The following RELN variants were observed in gnomAD, a reference collection of about 807,000 sequenced individuals.
RELN encodes reelin.
A neutral mutation model predicts 427.6 loss-of-function variants in RELN; 108 were observed. The observed-to-expected ratio is 0.25, with a 90% CI of 0.22 to 0.30. RELN has a LOEUF of 0.30. Among genes scored for constraint, RELN ranks in the 10% least tolerant of loss-of-function variants. RELN has a pLI of 1.00. For missense variants in RELN, 3,715 were observed against 4,302.8 expected (o/e 0.86, Z 3.82); for synonymous variants, 1,524 against 1,513.4 (o/e 1.01, Z -0.16).
chr7:103,517,426 G>C (rs937952010), intron 49 of RELN, among the ~76,000 whole-genome samples: 1 of 152,160 alleles, frequency 6.6e-6, no homozygotes, highest in Non-Finnish European at 1.5e-5. Flanking sequence ...AAGGCTACTT[G>C]AAAGTCTAAA....
At chr7:103,801,696 T>A (rs1792471554) in intron 3 of RELN, among the ~76,000 whole-genome samples, 1 of 151,618 alleles carries the variant, frequency 6.6e-6, no homozygotes, top group African/African-American at 2.4e-5. Context: ...AGCCTGCACG[T>A]TGTGCACATG....
At chr7:103,568,143 C>T (rs1302862892) in intron 31 of RELN, among the ~76,000 whole-genome samples, 1 of 152,160 alleles carries the variant, frequency 6.6e-6, no homozygotes, top group Non-Finnish European at 1.5e-5. Flanking sequence ...CTATACACAA[C>T]CTTTCTGTTT....
chr7:103,604,304 C>A (rs1196512774), intron 23 of RELN, 42 bp downstream of exon 23: 6 of 1,612,672 alleles, frequency 3.7e-6, no homozygotes, highest in South Asian at 1.1e-5. Context: ...AGCCACAAAT[C>A]TTGAGAAGCA....
chr7:103,740,120 C>T (rs1183511202), intron 6 of RELN, among the ~76,000 whole-genome samples: 1 of 151,938 alleles, frequency 6.6e-6, no homozygotes, highest in Non-Finnish European at 1.5e-5. Context: ...ACACCTGACA[C>T]TTAGCTCAAA....
chr7:103,658,926 A>G (rs920046484), intron 12 of RELN, among the ~76,000 whole-genome samples: 3 of 151,434 alleles, frequency 2.0e-5, no homozygotes, highest in Non-Finnish European at 4.4e-5. Flanking sequence ...ACCTCTGTTT[A>G]TGTTCTTTCT....
chr7:103,970,034 G>A lies in RELN; in HGVS notation c.226+19097C>T, dbSNP rs139724920. Among the ~76,000 whole-genome samples, 45 of 152,208 alleles carry A rather than the reference G, an allele frequency of 3.0e-4. No individual in the cohort carries two copies. The East Asian group carries it at 8.5e-3, about 29-fold the overall frequency. On this transcript the variant is annotated intron_variant, in intron 1 of 64. Coordinates refer to ENST00000428762, the MANE Select transcript of RELN (RefSeq NM_005045.4). ...TTTGAAGACATGTACATGCAGAGTG[G>A]CAAAAAATCTGAGTCACCGGATACT...
At chr7:103,639,910 A>C (rs1832663694) in intron 17 of RELN, among the ~76,000 whole-genome samples, 1 of 152,244 alleles carries the variant, frequency 6.6e-6, no homozygotes, top group Non-Finnish European at 1.5e-5. Context: ...TAAGAATGAC[A>C]TAATAAATGT....
chr7:103,528,133 G>C (rs1829864533), intron 46 of RELN, among the ~76,000 whole-genome samples: 1 of 152,202 alleles, frequency 6.6e-6, no homozygotes, highest in African/African-American at 2.4e-5. Flanking sequence ...AGCATAAAAG[G>C]TGGAAGGAAC....
intron 48 of RELN, 94 bp downstream of exon 48, chr7:103,521,928 A>G: frequency 7.8e-7 from 1 of 1,279,626 alleles, no homozygotes; most frequent in Non-Finnish European, 1.1e-6. Flanking sequence ...CTAACCCTGC[A>G]TCTTGATTTG....
chr7:103,715,630 T>C (rs996594715), intron 8 of RELN, among the ~76,000 whole-genome samples: 2 of 152,192 alleles, frequency 1.3e-5, no homozygotes, highest in Non-Finnish European at 2.9e-5. Context: ...TCCTCCCTGC[T>C]TGTGCCTTTC....
rs180861177 is a variant in RELN, at chr7:103,698,537, A to G, written c.903-444T>C. Reference sequence around the variant, plus strand: ...AAGTGTGATTTTGTTTTTTTGAGACAGGGTCTTGCTCTGTCATATAGGCTG... The same window carrying G: ...AAGTGTGATTTTGTTTTTTTGAGACGGGGTCTTGCTCTGTCATATAGGCTG... On this transcript the variant is annotated intron_variant, in intron 9 of 64. Coordinates refer to ENST00000428762, the MANE Select transcript of RELN (RefSeq NM_005045.4). Among the ~76,000 whole-genome samples the G allele has an allele frequency of 4.9e-3, 746 of 152,224 alleles. 8 individuals carry two copies. The highest frequency in any genetic ancestry group is 0.017 in the African/African-American group (721 of 41,536).
At chr7:103,871,737 G>C (rs919261679) in intron 2 of RELN, among the ~76,000 whole-genome samples, 1 of 152,064 alleles carries the variant, frequency 6.6e-6, no homozygotes, top group South Asian at 2.1e-4. Flanking sequence ...TACGATGAGA[G>C]AGAGAAGGAG....
At position 103,935,527 on chromosome 7, in the gene RELN, C is replaced by T. The variant is rs115660746; in HGVS notation, c.227-18342G>A. Among the ~76,000 whole-genome samples, 1,060 of 152,180 alleles carry T rather than the reference C, an allele frequency of 7.0e-3. 11 individuals carry two copies. Among genetic ancestry groups the T allele is most frequent in the African/African-American group, 0.024 (988 of 41,506 alleles). On this transcript the variant is annotated intron_variant, in intron 1 of 64. Transcript: ENST00000428762. ...GTATTATTTAAGACTCTGTCCTAGG[C>T]CCTCTTCCACTCCTATTCTATTCCT...
chr7:103,749,763 C>T (rs1352809330), intron 5 of RELN, among the ~76,000 whole-genome samples: 1 of 152,170 alleles, frequency 6.6e-6, no homozygotes. Flanking sequence ...GCAGGCAAGG[C>T]AGGAAGGCCA....
chr7:103,858,634 G>A (rs1031938792), intron 2 of RELN, among the ~76,000 whole-genome samples: 29 of 152,196 alleles, frequency 1.9e-4, no homozygotes, highest in African/African-American at 6.0e-4. Flanking sequence ...TTATTTACAT[G>A]AGCCTTTCCT....
chr7:103,557,843 C>T (rs1425657648), intron 37 of RELN, 122 bp downstream of exon 37: 5 of 642,334 alleles, frequency 7.8e-6, no homozygotes, highest in Admixed American at 7.7e-5. Context: ...TTTATGTATA[C>T]TAATTTATGT....
chr7:103,692,912 C>A (rs1315732616), intron 10 of RELN, among the ~76,000 whole-genome samples: 1 of 151,988 alleles, frequency 6.6e-6, no homozygotes, highest in Non-Finnish European at 1.5e-5. Context: ...AACTGAGCCC[C>A]TAAAGATGGA....
At position 103,909,789 on chromosome 7, in the gene RELN, ATT is replaced by A. The variant is rs1404967385; in HGVS notation, c.337+7284_337+7285del. Among the ~76,000 whole-genome samples the A allele has an allele frequency of 2.9e-4, 25 of 87,634 alleles. 2 individuals carry two copies. The highest frequency in any genetic ancestry group is 1.7e-3 in the Admixed American group (9 of 5,338). 57.5% of individuals were successfully genotyped at this position (87,634 alleles called of 152,430 possible). A position where few individuals can be genotyped will look rare whatever the true frequency, so the allele number is the denominator to read the frequency against. On this transcript the variant is annotated intron_variant, in intron 2 of 64. Coordinates refer to ENST00000428762, the MANE Select transcript of RELN (RefSeq NM_005045.4). Reference sequence around the variant, plus strand: ...ATATTTAATATATATAAATATATATATTAAATATATATTAATATATAATATTA... The same window carrying A: ...ATATTTAATATATATAAATATATATAAAATATATATTAATATATAATATTA...
rs1181711677 is a variant in RELN at position 103,523,382 on chromosome 7, C to A, written c.7490+9G>T. ...GCTTTCAACAGAAGGAAGAAAAAAA[C>A]CGACTTACACGCAGTTTCCCTGGAT... On this transcript the variant is annotated intron_variant, in intron 47 of 64. Transcript: ENST00000428762. The A allele has an allele frequency of 6.2e-7, 1 of 1,613,906 alleles. No individual in the cohort carries two copies. The highest frequency in any genetic ancestry group is 1.3e-5 in the African/African-American group (1 of 74,902).
Sources: allele counts gnomAD v4.1 joint callset (sites outside exome capture counted in the v4.1 genomes callset), GRCh38; gene constraint gnomAD v4.1.1; transcripts MANE v1.5; gene names NCBI Gene and HGNC (gene_info 2026-07-23, HGNC 2026-07-21).